The following NME9 variants were observed in gnomAD, a reference collection of about 807,000 sequenced individuals.
NME9 encodes the protein NME/NM23 family member 9, also known as thioredoxin domain-containing protein 6.
In NME9, 48 loss-of-function variants were observed where a neutral mutation model predicts 44.4. The observed-to-expected ratio is 1.08, with a 90% CI of 0.86 to 1.37. NME9 has a LOEUF of 1.37. Ranked by LOEUF, NME9 falls within the 40% of genes most tolerant of loss-of-function variation. The pLI, the probability that NME9 is intolerant of heterozygous loss-of-function variation, is 0.00. For synonymous variants in NME9, 139 were observed against 147.1 expected (o/e 0.94, Z 0.40); for missense variants, 325 against 405.2 (o/e 0.80, Z 1.70).
Position 138,318,178 on chromosome 3 carries a change from C to T in NME9, c.237G>A (p.Gly79=). ...DRLDVLEKYR[G]KCEPTFLFYA... ...AAAACAGAAAGGTTGGCTCGCACTTCCCTCTGTACTTTTCGAGGACATCAA... is the reference window on the plus strand; with the variant it reads ...AAAACAGAAAGGTTGGCTCGCACTTTCCTCTGTACTTTTCGAGGACATCAA... The change falls in exon 4 of 11, where the codon GGG becomes GGA. Residue 79 remains glycine (G), a synonymous_variant. Coordinates refer to ENST00000333911, the MANE Select transcript of NME9 (RefSeq NM_001349018.2). The T allele has an allele frequency of 1.9e-6, 3 of 1,612,588 alleles. No individual in the cohort carries two copies. Among genetic ancestry groups the T allele is most frequent in the Non-Finnish European group, 1.7e-6 (2 of 1,178,588 alleles).
chr3:138,317,514 C>T (rs2053170414), intron 4 of NME9, among the ~76,000 whole-genome samples: 1 of 152,220 alleles, frequency 6.6e-6, no homozygotes, highest in Non-Finnish European at 1.5e-5. Flanking sequence ...AGAGCTGGAC[C>T]ATGGATGTCA....
chr3:138,264,299 G>A, intron 8 of NME9: 1 of 969,376 alleles, frequency 1.0e-6, no homozygotes, highest in Middle Eastern at 2.3e-4. Context: ...TGGTCTAGGA[G>A]TATGTCTGAT....
intron 8 of NME9, among the ~76,000 whole-genome samples, chr3:138,286,056 G>C (rs1380248733): frequency 1.3e-5 from 2 of 152,138 alleles, no homozygotes; most frequent in East Asian, 1.9e-4. Flanking sequence ...CGATTCTCCT[G>C]CCTCAGCCTC....
At chr3:138,262,609 AAAAAT>A in intron 8 of NME9, 2 of 1,583,212 alleles carry the variant, frequency 1.3e-6, no homozygotes, top group Non-Finnish European at 1.7e-6. Context: ...AAAAAAAAAA[AAAAAT>A]TTAGGTGCCT....
intron 3 of NME9, 66 bp downstream of exon 3, chr3:138,319,412 G>A: frequency 2.1e-6 from 2 of 932,116 alleles, no homozygotes; most frequent in Non-Finnish European, 3.5e-6. Flanking sequence ...TCTCCTTCCT[G>A]ACTCTTTTAA....
chr3:138,314,150 C>G (rs2052902537), intron 6 of NME9, among the ~76,000 whole-genome samples, 182 bp downstream of exon 6: 1 of 152,104 alleles, frequency 6.6e-6, no homozygotes, highest in Non-Finnish European at 1.5e-5. Context: ...ATCAAATTAT[C>G]TTATGTACTC....
At chr3:138,267,273 C>A in intron 8 of NME9, 1 of 1,339,326 alleles carries the variant, frequency 7.5e-7, no homozygotes, top group Non-Finnish European at 1.0e-6. Context: ...CTAGACTTTG[C>A]CCAGTCCAGC....
intron 8 of NME9, among the ~76,000 whole-genome samples, chr3:138,265,866 T>C (rs2108275418): frequency 6.6e-6 from 1 of 152,222 alleles, no homozygotes. Context: ...AGTATATGAT[T>C]TATGTGTTGA....
chr3:138,315,428 A>G, intron 5 of NME9, 99 bp downstream of exon 5: 2 of 763,500 alleles, frequency 2.6e-6, no homozygotes, highest in African/African-American at 1.7e-5. Flanking sequence ...CTGTCCACCG[A>G]CAGCTCCAGG....
intron 8 of NME9, among the ~76,000 whole-genome samples, chr3:138,275,505 T>G (rs3773763): frequency 0.62 from 94,238 of 151,746 alleles, 30,409 homozygotes; most frequent in East Asian, 0.86. Flanking sequence ...CTTGCAGTGA[T>G]CCAAGATAGC....
intron 8 of NME9, among the ~76,000 whole-genome samples, chr3:138,283,162 G>C (rs1306401131): frequency 6.6e-6 from 1 of 152,170 alleles, no homozygotes; most frequent in Non-Finnish European, 1.5e-5. Flanking sequence ...TCACACCTCA[G>C]GACTTACTCC....
chr3:138,298,670 ATCC>A (rs943893898), downstream of NME9, among the ~76,000 whole-genome samples: 2 of 151,886 alleles, frequency 1.3e-5, no homozygotes, highest in Admixed American at 6.6e-5. Flanking sequence ...CACCCCCTCC[ATCC>A]TCTTCTCCTT....
intron 8 of NME9, among the ~76,000 whole-genome samples, 182 bp from the exon 9 acceptor site, chr3:138,305,209 G>A (rs999065435): frequency 3.3e-5 from 5 of 152,182 alleles, no homozygotes; most frequent in African/African-American, 1.2e-4. Flanking sequence ...TGCCTGCTGT[G>A]GAGGGTGTCA....
At chr3:138,263,979 G>A in intron 8 of NME9, 1 of 941,104 alleles carries the variant, frequency 1.1e-6, no homozygotes, top group Non-Finnish European at 1.7e-6. Flanking sequence ...AGAGAGCCTG[G>A]CCTCCAAACC....
At chr3:138,311,242 C>T (rs546663824) in intron 6 of NME9, among the ~76,000 whole-genome samples, 1 of 152,118 alleles carries the variant, frequency 6.6e-6, no homozygotes, top group Non-Finnish European at 1.5e-5. Flanking sequence ...AAGATCACAA[C>T]TGTAATAAAA....
intron 4 of NME9, among the ~76,000 whole-genome samples, chr3:138,315,850 G>A (rs567195893): frequency 1.3e-4 from 19 of 151,834 alleles, no homozygotes; most frequent in Non-Finnish European, 2.2e-4. Flanking sequence ...TTGTTTGTTC[G>A]AGACGGAGTC....
intron 8 of NME9, among the ~76,000 whole-genome samples, chr3:138,291,194 A>C (rs2050911724): frequency 6.6e-6 from 1 of 152,098 alleles, no homozygotes; most frequent in South Asian, 2.1e-4. Context: ...TTTCCATTTC[A>C]CCTTTGTATA....
chr3:138,324,774 G>A, intron 2 of NME9, 99 bp downstream of exon 2: 2 of 879,256 alleles, frequency 2.3e-6, no homozygotes, highest in Non-Finnish European at 3.8e-6. Context: ...AAGGTAATAG[G>A]AAAGTGGTGT....
chr3:138,281,217 G>GGTGTGT (rs149949088), intron 8 of NME9, among the ~76,000 whole-genome samples: 1 of 149,778 alleles, frequency 6.7e-6, no homozygotes, highest in Admixed American at 6.7e-5. Context: ...TAATGGTGTG[G>GGTGTGT]GTGTGTGTGT....
Sources: gnomAD v4.1 joint callset for allele counts (sites outside exome capture counted in the v4.1 genomes callset) on GRCh38, gnomAD v4.1.1 for gene constraint, MANE v1.5 for transcripts, NCBI Gene and HGNC (gene_info 2026-07-23, HGNC 2026-07-21) for gene names.